Variants in CDC73 observed in about 807,000 individuals in gnomAD.
The protein encoded by CDC73 is cell division cycle 73.
Under a neutral mutation model 83.7 loss-of-function variants are expected in CDC73, and 21 were observed. That is an observed-to-expected ratio of 0.25 (90% CI 0.18 to 0.36). The LOEUF (loss-of-function observed/expected upper bound fraction) is 0.36. Ranked by LOEUF, CDC73 falls within the 10% of genes least tolerant of loss-of-function variation. CDC73 has a pLI of 1.00. For missense variants in CDC73, 342 were observed against 653.3 expected, an observed-to-expected ratio of 0.52 and a Z score of 5.19; for synonymous variants, 224 against 212.9, an observed-to-expected ratio of 1.05 and a Z score of -0.45.
At chr1:193,193,480 A>C (rs1408825008) in intron 10 of CDC73, among the ~76,000 whole-genome samples, 1 of 152,048 alleles carries the variant, frequency 6.6e-6, no homozygotes, top group African/African-American at 2.4e-5. Flanking sequence ...GGTTTGTATT[A>C]TGTTGTTATT....
chr1:193,131,672 T>C (rs1675696402), intron 3 of CDC73, among the ~76,000 whole-genome samples: 1 of 152,214 alleles, frequency 6.6e-6, no homozygotes, highest in Non-Finnish European at 1.5e-5. Context: ...TTTGGTCTTT[T>C]AGCTATGCTA....
At chr1:193,236,851 T>TGCAA in intron 15 of CDC73, 1 of 156,380 alleles carries the variant, frequency 6.4e-6, no homozygotes, top group Non-Finnish European at 1.4e-5. Context: ...CCGAGATCAC[T>TGCAA]TCAGCCTGGG....
intron 10 of CDC73, among the ~76,000 whole-genome samples, chr1:193,184,194 CTA>C (rs1244402205): frequency 2.0e-5 from 3 of 151,802 alleles, no homozygotes; most frequent in Non-Finnish European, 4.4e-5. Flanking sequence ...CCATATATAA[CTA>C]TAAATCTCCC....
In CDC73 at chr1:193,178,456, TG is replaced by T. The variant is rs574915340; in HGVS notation, c.973-25337del. On this transcript the variant is annotated intron_variant, in intron 10 of 16. Coordinates refer to ENST00000367435, the MANE Select transcript of CDC73 (RefSeq NM_024529.5). Reference sequence around the variant, plus strand: ...AAGATCCTGCAAAATAGTCATAATTTGGACAAATAGAACTTGAGTTCTCTTT... The same window carrying T: ...AAGATCCTGCAAAATAGTCATAATTTGACAAATAGAACTTGAGTTCTCTTT... Among the ~76,000 whole-genome samples, 259 of 152,304 alleles carry T rather than the reference TG, an allele frequency of 1.7e-3. 1 individual carries two copies. The highest frequency in any genetic ancestry group is 6.0e-3 in the African/African-American group (251 of 41,580).
chr1:193,214,938 A>G (rs1677338781), intron 13 of CDC73, among the ~76,000 whole-genome samples: 1 of 152,220 alleles, frequency 6.6e-6, no homozygotes, highest in African/African-American at 2.4e-5. Flanking sequence ...CTACAGAGCA[A>G]TAACTAAAAA....
At chr1:193,173,014 C>T (rs919797193) in intron 10 of CDC73, among the ~76,000 whole-genome samples, 2 of 152,094 alleles carry the variant, frequency 1.3e-5, no homozygotes, top group East Asian at 1.9e-4. Context: ...TGCAGTCTTC[C>T]TGAGCACAGT....
At chr1:193,181,575 C>G in intron 10 of CDC73, 1 of 1,563,972 alleles carries the variant, frequency 6.4e-7, no homozygotes, top group Non-Finnish European at 8.6e-7. Context: ...TGTAAATATC[C>G]AGTAGTGGTA....
intron 14 of CDC73, among the ~76,000 whole-genome samples, chr1:193,235,513 T>TGG (rs1677741834): frequency 1.3e-5 from 2 of 152,204 alleles, no homozygotes; most frequent in Non-Finnish European, 2.9e-5. Flanking sequence ...CCGCTTTAGT[T>TGG]ATTGGCTTTA....
chr1:193,211,032 T>C (rs1677269016), intron 11 of CDC73, among the ~76,000 whole-genome samples: 1 of 152,200 alleles, frequency 6.6e-6, no homozygotes, highest in East Asian at 1.9e-4. Context: ...AATCAGCTTA[T>C]TATGAAATTA....
At chr1:193,231,324 A>T (rs74130937) in intron 13 of CDC73, among the ~76,000 whole-genome samples, 4 of 152,142 alleles carry the variant, frequency 2.6e-5, no homozygotes, top group African/African-American at 9.7e-5. Flanking sequence ...AAAACAAAGC[A>T]TTTCTCTTGG....
At chr1:193,153,505 A>G (rs749278716) in intron 10 of CDC73, among the ~76,000 whole-genome samples, 1 of 152,200 alleles carries the variant, frequency 6.6e-6, no homozygotes, top group Admixed American at 6.5e-5. Flanking sequence ...ATAACATGGA[A>G]TCATTATATA....
chr1:193,161,627 GATATATAATATATTATATA>G lies in CDC73; in HGVS notation c.972+9203_972+9221del, dbSNP rs1345941769. On this transcript the variant is annotated intron_variant, in intron 10 of 16. Transcript: ENST00000367435. ...AATAGATAATATATATTATATGATA[GATATATAATATATTATATA>G]ATATATAATATATTATATATCTATC... 1.5e-4 allele frequency among the ~76,000 whole-genome samples: 6 copies of G among 40,510 alleles called. 1 individual carries two copies. Among genetic ancestry groups the G allele is most frequent in the African/African-American group, 4.2e-4 (4 of 9,504 alleles). The allele number at this position is 40,510 out of a possible 152,430, so 26.6% of individuals were successfully genotyped here.
chr1:193,189,887 A>G (rs906702357), intron 10 of CDC73, among the ~76,000 whole-genome samples: 1 of 152,204 alleles, frequency 6.6e-6, no homozygotes, highest in Non-Finnish European at 1.5e-5. Flanking sequence ...CTGTTTATCT[A>G]TGTATGTACA....
chr1:193,198,528 G>A (rs1344169460), intron 10 of CDC73, among the ~76,000 whole-genome samples: 2 of 152,162 alleles, frequency 1.3e-5, no homozygotes, highest in African/African-American at 4.8e-5. Context: ...CCTTGATCTT[G>A]GATTTTCCAG....
intron 10 of CDC73, among the ~76,000 whole-genome samples, chr1:193,172,064 A>G (rs977425506): frequency 5.9e-5 from 9 of 152,014 alleles, no homozygotes; most frequent in African/African-American, 2.2e-4. Flanking sequence ...AGCTGGGACT[A>G]CAGGTGTGCG....
intron 10 of CDC73, among the ~76,000 whole-genome samples, chr1:193,163,755 A>G (rs1285386643): frequency 6.6e-6 from 1 of 152,036 alleles, no homozygotes; most frequent in Non-Finnish European, 1.5e-5. Flanking sequence ...TTTAAACATC[A>G]GTGTAAAAAG....
intron 10 of CDC73, among the ~76,000 whole-genome samples, chr1:193,153,787 G>C (rs1186797950): frequency 6.6e-6 from 1 of 152,126 alleles, no homozygotes; most frequent in African/African-American, 2.4e-5. Context: ...GTCAGATCCT[G>C]TTCTTGTTGC....
At chr1:193,199,466 C>T (rs1034384743) in intron 10 of CDC73, among the ~76,000 whole-genome samples, 1 of 152,092 alleles carries the variant, frequency 6.6e-6, no homozygotes, top group African/African-American at 2.4e-5. Context: ...AATCCCAGCA[C>T]TTTGGGAGGC....
intron 10 of CDC73, chr1:193,180,802 T>A: frequency 6.2e-7 from 1 of 1,614,140 alleles, no homozygotes; most frequent in Non-Finnish European, 8.5e-7. Flanking sequence ...GACAAACATG[T>A]CACTGTCAGT....
Sources: allele counts gnomAD v4.1 joint callset (sites outside exome capture counted in the v4.1 genomes callset), GRCh38; gene constraint gnomAD v4.1.1; transcripts MANE v1.5; gene names NCBI Gene and HGNC (gene_info 2026-07-23, HGNC 2026-07-21).